TTC39C: variants seen among roughly 807,000 people sequenced by gnomAD.
TTC39C encodes tetratricopeptide repeat protein 39C.
TTC39C carries 33 observed loss-of-function variants against 76.3 expected under a neutral mutation model. That is an observed-to-expected ratio of 0.43 (90% CI 0.33 to 0.58). The LOEUF (loss-of-function observed/expected upper bound fraction) is 0.58. Among genes scored for constraint, TTC39C ranks in the 20% least tolerant of loss-of-function variants. The probability of loss-of-function intolerance (pLI) is 0.04; values close to 1 mark genes in which losing one functional copy is unlikely to be tolerated. For missense variants in TTC39C, 595 were observed against 701.4 expected (o/e 0.85, Z 1.71); for synonymous variants, 254 against 260.6 (o/e 0.97, Z 0.24).
upstream of TTC39C, chr18:24,014,691 G>C (rs1176049310): frequency 6.1e-6 from 6 of 976,194 alleles, no homozygotes; most frequent in Admixed American, 4.9e-5. Context: ...CGCCGCAGCC[G>C]GGCCGCGGCT....
chr18:24,109,176 C>CAAAAAAAAAAAAAAAGAAAAA (rs2084781027), intron 6 of TTC39C, among the ~76,000 whole-genome samples: 1 of 73,898 alleles, frequency 1.4e-5, no homozygotes, highest in Non-Finnish European at 2.5e-5. Flanking sequence ...CCCGTCTCTA[C>CAAAAAAAAAAAAAAAGAAAAA]AAAAAAAAAA....
At chr18:24,113,550 C>G (rs1199312457) in intron 6 of TTC39C, 2 of 701,770 alleles carry the variant, frequency 2.8e-6, no homozygotes, top group Non-Finnish European at 5.2e-6. Flanking sequence ...GTCCACCTCC[C>G]TGCAAGTGTA....
chr18:24,082,815 A>T, intron 5 of TTC39C, 98 bp from the exon 6 acceptor site: 7 of 1,235,940 alleles, frequency 5.7e-6, no homozygotes, highest in Non-Finnish European at 7.7e-6. Flanking sequence ...AGCTTTTTGG[A>T]TAGAGTAGTA....
chr18:24,017,120 A>G (rs2083462755), intron 1 of TTC39C, among the ~76,000 whole-genome samples: 1 of 152,116 alleles, frequency 6.6e-6, no homozygotes, highest in South Asian at 2.1e-4. Flanking sequence ...TTTTTTAGAG[A>G]TGGTGGGAGG....
At chr18:24,061,329 A>G (rs1047405206) in intron 1 of TTC39C, among the ~76,000 whole-genome samples, 1 of 151,478 alleles carries the variant, frequency 6.6e-6, no homozygotes, top group Non-Finnish European at 1.5e-5. Context: ...TTTGGGTTCT[A>G]ATGCTTATAC....
chr18:24,013,407 A>T (rs1668979162), upstream of TTC39C, among the ~76,000 whole-genome samples: 1 of 152,250 alleles, frequency 6.6e-6, no homozygotes, highest in Non-Finnish European at 1.5e-5. Flanking sequence ...AGATATTCTT[A>T]TAAGGGATGG....
At chr18:24,001,895 G>C (rs567024787) in intron 1 of TTC39C, among the ~76,000 whole-genome samples, 1 of 134,644 alleles carries the variant, frequency 7.4e-6, no homozygotes, top group Non-Finnish European at 1.5e-5. Flanking sequence ...GCGCAATCTC[G>C]GCTCACTGCA....
intron 6 of TTC39C, among the ~76,000 whole-genome samples, chr18:24,088,003 A>T (rs2145771156): frequency 6.6e-6 from 1 of 152,276 alleles, no homozygotes; most frequent in East Asian, 1.9e-4. Context: ...GCTGTATGTC[A>T]TTTCTTTTTT....
chr18:24,025,887 G>C (rs1362774948), intron 1 of TTC39C, among the ~76,000 whole-genome samples: 1 of 152,206 alleles, frequency 6.6e-6, no homozygotes, highest in Admixed American at 6.5e-5. Flanking sequence ...TGTGGCTGAA[G>C]GAGAGAGGCA....
chr18:24,121,233 A>G (rs534156648), intron 8 of TTC39C, among the ~76,000 whole-genome samples: 1 of 152,336 alleles, frequency 6.6e-6, no homozygotes, highest in African/African-American at 2.4e-5. Context: ...CTCATATTTT[A>G]GGATAAACCA....
At chr18:24,094,892 A>G (rs2084569523) in intron 6 of TTC39C, among the ~76,000 whole-genome samples, 1 of 152,240 alleles carries the variant, frequency 6.6e-6, no homozygotes, top group Non-Finnish European at 1.5e-5. Context: ...CTTCAACTTA[A>G]TGTCACCAGC....
rs754840142 is a variant in TTC39C at position 24,125,475 on chromosome 18, G to C, written c.1345G>C (p.Ala449Pro). 1 of 1,614,142 alleles carries C rather than the reference G, an allele frequency of 6.2e-7. No homozygotes were observed. The highest frequency in any genetic ancestry group is 1.7e-5 in the Admixed American group (1 of 60,022). The change falls in exon 10 of 14, where the codon GCG becomes CCG. Residue 449 changes from alanine to proline, a missense_variant. Physicochemically the swap from Ala to Pro is conservative, Grantham distance 27 (BLOSUM62 -1). Coordinates refer to ENST00000317571, the MANE Select transcript of TTC39C (RefSeq NM_001135993.2). ...CCCAACCAAAGCGCTCTGTGTGTTG[G>C]CGTCTATTGAAGTGTTGTACTTGTG... ...QTPTKALCVLASIEVLYLWKA... is the reference protein window; with the variant it reads ...QTPTKALCVLPSIEVLYLWKA...
rs114933870 is a variant in TTC39C at position 24,031,621 on chromosome 18, A to G, written c.167+16583A>G. ...CATCTTTACTACTGCCGCCTAGTCCAGGCCACCCTCACCTCTCACTTGGAC... is the reference window on the plus strand; with the variant it reads ...CATCTTTACTACTGCCGCCTAGTCCGGGCCACCCTCACCTCTCACTTGGAC... On this transcript the variant is annotated intron_variant, in intron 1 of 13. Coordinates refer to ENST00000317571, the MANE Select transcript of TTC39C (RefSeq NM_001135993.2). 8.8e-3 allele frequency among the ~76,000 whole-genome samples: 1,346 copies of G among 152,262 alleles called. 20 individuals carry two copies. Among genetic ancestry groups the G allele is most frequent in the African/African-American group, 0.031 (1,279 of 41,552 alleles).
rs74171390 is a variant in TTC39C at position 24,092,092 on chromosome 18, CAAAAAAAA to C, written c.984+9037_984+9044del. On this transcript the variant is annotated intron_variant, in intron 6 of 13. Coordinates refer to ENST00000317571, the MANE Select transcript of TTC39C (RefSeq NM_001135993.2). ...TGGGTGACAGAGTGAGACTCAGTCTCAAAAAAAAAAAAAAAAAAAAAAAAAAAAAAAAA... is the reference window on the plus strand; with the variant it reads ...TGGGTGACAGAGTGAGACTCAGTCTCAAAAAAAAAAAAAAAAAAAAAAAAA... Among the ~76,000 whole-genome samples, 5 of 67,596 alleles carry C rather than the reference CAAAAAAAA, an allele frequency of 7.4e-5. 1 individual carries two copies. Among genetic ancestry groups the C allele is most frequent in the African/African-American group, 2.3e-4 (4 of 17,084 alleles). The allele number at this position is 67,596 out of a possible 152,430, so 44.3% of individuals were successfully genotyped here.
At chr18:24,022,729 A>C in intron 1 of TTC39C, 2 of 985,356 alleles carry the variant, frequency 2.0e-6, no homozygotes, top group Non-Finnish European at 2.4e-6. Context: ...TGTAGGATAA[A>C]GCCCAGCCTC....
intron 4 of TTC39C, among the ~76,000 whole-genome samples, chr18:24,071,849 C>T (rs572210600): frequency 8.5e-5 from 13 of 152,306 alleles, no homozygotes; most frequent in African/African-American, 3.1e-4. Flanking sequence ...TCCTGTTCAT[C>T]ATAGTATTTG....
chr18:24,084,004 C>A (rs2084410826), intron 6 of TTC39C, among the ~76,000 whole-genome samples: 1 of 152,104 alleles, frequency 6.6e-6, no homozygotes, highest in East Asian at 1.9e-4. Flanking sequence ...CCTAGAAATG[C>A]TTTCATGGGC....
At chr18:24,060,060 G>A (rs1364702792) in intron 1 of TTC39C, among the ~76,000 whole-genome samples, 1 of 152,162 alleles carries the variant, frequency 6.6e-6, no homozygotes, top group East Asian at 1.9e-4. Context: ...AATTATGGGA[G>A]CTACAATTCA....
chr18:24,058,027 G>A (rs987179770), intron 1 of TTC39C, among the ~76,000 whole-genome samples: 3 of 152,196 alleles, frequency 2.0e-5, no homozygotes, highest in Non-Finnish European at 4.4e-5. Flanking sequence ...GGATGGGGCT[G>A]GAGGCCATTA....
Sources: allele counts gnomAD v4.1 joint callset (sites outside exome capture counted in the v4.1 genomes callset), GRCh38; gene constraint gnomAD v4.1.1; transcripts MANE v1.5; gene names NCBI Gene and HGNC (gene_info 2026-07-23, HGNC 2026-07-21).